NEBL: variants seen among roughly 807,000 people sequenced by gnomAD.
The protein encoded by NEBL is nebulette, also known as LIM and SH3 protein 2.
A neutral mutation model predicts 140.2 loss-of-function variants in NEBL; 122 were observed. That is an observed-to-expected ratio of 0.87 (90% confidence interval 0.75 to 1.01). The LOEUF (loss-of-function observed/expected upper bound fraction) is 1.01. Ranked by LOEUF, NEBL falls within the 50% of genes least tolerant of loss-of-function variation. The probability of loss-of-function intolerance (pLI) is 0.00; values close to 1 mark genes in which losing one functional copy is unlikely to be tolerated. For missense variants in NEBL, 1,365 were observed against 1,231.3 expected, an observed-to-expected ratio of 1.11 and a Z score of -1.62; for synonymous variants, 436 against 398.9, an observed-to-expected ratio of 1.09 and a Z score of -1.11.
chr10:21,133,406 A>C (rs1167633959), intron 2 of NEBL, among the ~76,000 whole-genome samples: 1 of 152,192 alleles, frequency 6.6e-6, no homozygotes, highest in East Asian at 1.9e-4. Flanking sequence ...CAATTTCTCT[A>C]TGATTCCCCA....
At chr10:21,204,916 T>C (rs1329122674) in intron 3 of NEBL, among the ~76,000 whole-genome samples, 1 of 152,212 alleles carries the variant, frequency 6.6e-6, no homozygotes, top group Non-Finnish European at 1.5e-5. Flanking sequence ...CGTGGTTTTT[T>C]TCTGCTGCAT....
intron 2 of NEBL, among the ~76,000 whole-genome samples, chr10:21,128,930 AG>A (rs1174764846): frequency 6.6e-6 from 1 of 152,218 alleles, no homozygotes; most frequent in Non-Finnish European, 1.5e-5. Flanking sequence ...ATATCATATA[AG>A]CCACATGCAT....
rs149299846 is a variant in NEBL, at chr10:21,209,869, C to T, written n.349-37392G>A. Among the ~76,000 whole-genome samples, 25 of 152,072 alleles carry T rather than the reference C, an allele frequency of 1.6e-4. No homozygotes were observed. The East Asian group carries it at 3.9e-3, about 24-fold the overall frequency. The stretch of plus-strand genomic sequence containing the variant: ...TGACACTGTCTTTCCTTGCACTCCA[C>T]GATTATCCTTGTGGAGCCAGGAACT... On this transcript the variant is annotated intron_variant and non_coding_transcript_variant, in intron 3 of 8. Coordinates refer to the NEBL transcript ENST00000675702.
chr10:21,040,204 A>G (rs1249319747), intron 2 of NEBL, among the ~76,000 whole-genome samples: 1 of 152,144 alleles, frequency 6.6e-6, no homozygotes, highest in Non-Finnish European at 1.5e-5. Context: ...CGTCTCTACT[A>G]AAAATACAAA....
intron 12 of NEBL, among the ~76,000 whole-genome samples, chr10:20,843,404 T>C (rs1343403985): frequency 4.6e-5 from 7 of 151,902 alleles, no homozygotes; most frequent in African/African-American, 1.7e-4. Context: ...CCCTGATGCA[T>C]GTATTCTGAA....
intron 1 of NEBL, among the ~76,000 whole-genome samples, chr10:21,262,857 C>T (rs183159897): frequency 6.6e-6 from 1 of 152,242 alleles, no homozygotes; most frequent in African/African-American, 2.4e-5. Context: ...CTTTAAATTC[C>T]GTGTAGACAT....
chr10:20,837,234 G>C (rs575128665), intron 13 of NEBL, among the ~76,000 whole-genome samples: 3 of 152,300 alleles, frequency 2.0e-5, no homozygotes, highest in African/African-American at 7.2e-5. Flanking sequence ...CCAAGGAAAA[G>C]TTCTTGAAGG....
intron 2 of NEBL, chr10:21,113,283 A>T: frequency 3.2e-6 from 1 of 315,960 alleles, no homozygotes; most frequent in Non-Finnish European, 5.9e-6. Flanking sequence ...CAAAAGGATG[A>T]GAATCCTAAA....
At chr10:21,098,905 A>G (rs941232878) in intron 2 of NEBL, among the ~76,000 whole-genome samples, 1 of 152,146 alleles carries the variant, frequency 6.6e-6, no homozygotes. Flanking sequence ...GTAAGGTGGA[A>G]CCAGAAACAT....
intron 4 of NEBL, among the ~76,000 whole-genome samples, chr10:20,920,665 A>C (rs1422814251): frequency 2.6e-5 from 4 of 152,224 alleles, no homozygotes; most frequent in African/African-American, 9.6e-5. Context: ...TTTACCAAGT[A>C]AAGGTCAGAA....
chr10:21,233,928 C>CATATATGGATATATATTACATATATAT (rs1554834232), intron 3 of NEBL, among the ~76,000 whole-genome samples: 2 of 131,700 alleles, frequency 1.5e-5, no homozygotes, highest in East Asian at 4.3e-4. Flanking sequence ...ATATATATTA[C>CATATATGGATATATATTACATATATAT]ATATATATAT....
intron 9 of NEBL, among the ~76,000 whole-genome samples, chr10:20,855,228 A>T (rs1027467721): frequency 3.1e-5 from 4 of 128,184 alleles, no homozygotes; most frequent in African/African-American, 1.0e-4. Context: ...AGTCCGTCTT[A>T]AAAAAAAAAA....
chr10:21,030,123 G>T, intron 2 of NEBL: 1 of 472,048 alleles, frequency 2.1e-6, no homozygotes, highest in South Asian at 1.9e-5. Flanking sequence ...AGAGCTGCTA[G>T]AGAAACAAAA....
chr10:20,861,025 A>G (rs1536310), intron 7 of NEBL, among the ~76,000 whole-genome samples: 213 of 152,308 alleles, frequency 1.4e-3, no homozygotes, highest in Admixed American at 5.4e-3. Context: ...GATTTTAAGT[A>G]ATCAGCAAGA....
chr10:20,948,411 C>T (rs1396945847), intron 4 of NEBL, among the ~76,000 whole-genome samples: 1 of 152,062 alleles, frequency 6.6e-6, no homozygotes, highest in Non-Finnish European at 1.5e-5. Context: ...TTTATAAATA[C>T]CAAAAAATAT....
intron 3 of NEBL, among the ~76,000 whole-genome samples, chr10:20,966,410 C>T (rs1171103089): frequency 1.3e-5 from 2 of 152,222 alleles, no homozygotes; most frequent in East Asian, 3.8e-4. Flanking sequence ...ATATGCTACA[C>T]ATTAAATGAA....
At chr10:21,212,476 A>G (rs1473689141) in intron 3 of NEBL, among the ~76,000 whole-genome samples, 1 of 152,220 alleles carries the variant, frequency 6.6e-6, no homozygotes, top group Non-Finnish European at 1.5e-5. Context: ...AAGGCAAGCA[A>G]CGGCTGAAAA....
intron 2 of NEBL, among the ~76,000 whole-genome samples, chr10:21,023,610 G>A (rs186884171): frequency 0.018 from 2,744 of 152,160 alleles, 76 homozygotes; most frequent in African/African-American, 0.063. Flanking sequence ...CAGGAGAATC[G>A]CTGGAACCCA....
chr10:20,905,963 C>G (rs146122307), intron 4 of NEBL, among the ~76,000 whole-genome samples: 174 of 152,314 alleles, frequency 1.1e-3, no homozygotes, highest in African/African-American at 4.0e-3. Context: ...ACTACCACAG[C>G]TTCTCTATTC....
Sources: allele counts gnomAD v4.1 joint callset (sites outside exome capture counted in the v4.1 genomes callset), GRCh38; gene constraint gnomAD v4.1.1; transcripts MANE v1.5; gene names NCBI Gene and HGNC (gene_info 2026-07-23, HGNC 2026-07-21).